The following IFRD2 variants were observed in gnomAD, a reference collection of about 807,000 sequenced individuals.
The protein encoded by IFRD2 is interferon-related developmental regulator 2.
In IFRD2, 35 loss-of-function variants were observed where a neutral mutation model predicts 49.2. That is an observed-to-expected ratio of 0.71 (90% CI 0.54 to 0.94). IFRD2 has a LOEUF of 0.94. Ranked by LOEUF, IFRD2 falls within the 40% of genes least tolerant of loss-of-function variation. IFRD2 has a pLI of 0.00. For missense variants in IFRD2, 561 were observed against 591.6 expected, an observed-to-expected ratio of 0.95 and a Z score of 0.54; for synonymous variants, 275 against 239.7, an observed-to-expected ratio of 1.15 and a Z score of -1.36.
intron 5 of IFRD2, 43 bp from the exon 6 acceptor site, chr3:50,289,805 A>T: frequency 1.3e-6 from 2 of 1,588,498 alleles, no homozygotes; most frequent in Non-Finnish European, 1.7e-6. Context: ...CAGCGGGTGA[A>T]CCTGGGTTCC....
rs782467680 is a variant in IFRD2 at position 50,292,328 on chromosome 3, C to T, written c.-54G>A. On this transcript the variant is annotated 5_prime_UTR_variant, in exon 1 of 12. It introduces an in-frame stop codon into an upstream open reading frame of the 5' UTR. Transcript: ENST00000417626. ...GTCAGGGACCCGGTGGGTGTGGGCTCCAGGCCAACGAGACGCCGGCCGGTG... is the reference window on the plus strand; with the variant it reads ...GTCAGGGACCCGGTGGGTGTGGGCTTCAGGCCAACGAGACGCCGGCCGGTG... 1.3e-6 allele frequency: 2 copies of T among 1,566,496 alleles called. No homozygotes were observed. Among genetic ancestry groups the T allele is most frequent in the Non-Finnish European group, 1.7e-6 (2 of 1,158,744 alleles).
In IFRD2 at chr3:50,290,254, C is replaced by T. The variant is rs200829619; in HGVS notation, c.304G>A (p.Ala102Thr). The T allele has an allele frequency of 5.9e-4, 957 of 1,612,786 alleles. 1 individual carries two copies. Among genetic ancestry groups the T allele is most frequent in the Non-Finnish European group, 7.8e-4 (919 of 1,179,432 alleles). The change falls in exon 4 of 12, where the codon GCC becomes ACC. Residue 102 changes from alanine to threonine, a missense_variant. Transcript: ENST00000417626. ...TCGGGGAGTAGGCGGGACGCTAGGG[C>T]CAGGCGCAGGCTCTCAAGAGCACCC... ...RQGALESLRL[A>T]LASRLLPDFL...
rs1292525305 is a variant in IFRD2 at position 50,290,189 on chromosome 3, C to G, written c.369G>C (p.Leu123=). Residue 123 remains leucine, a synonymous_variant, in exon 4 of 12, where the codon CTG becomes CTC. Coordinates refer to ENST00000417626, the MANE Select transcript of IFRD2 (RefSeq NM_006764.5). ...TCCAACCTTTCTTGAGGCACTTTTC[C>G]AGGGCATCGGCTAGCGTGAGGCGGC... ...LERRLTLADA[L]EKCLKKGKGE... is the part of the protein sequence containing the mutation. The G allele has an allele frequency of 1.2e-6, 2 of 1,613,710 alleles. No homozygotes were observed. Among genetic ancestry groups the G allele is most frequent in the Non-Finnish European group, 1.7e-6 (2 of 1,179,768 alleles).
rs1553709442 is a variant in IFRD2 at position 50,289,742 on chromosome 3, C to T, written c.567G>A (p.Leu189=). 1.2e-6 allele frequency: 2 copies of T among 1,603,504 alleles called. No homozygotes were observed. Among genetic ancestry groups the T allele is most frequent in the Non-Finnish European group, 1.7e-6 (2 of 1,175,360 alleles). ...ARLHCASALG[L]GCYVAAADIQ... is the part of the protein sequence containing the mutation. ...TGTCAGCGGCAGCCACGTAGCAGCCCAGGCCAAGGGCAGAAGCACACTGTT... is the reference window on the plus strand; with the variant it reads ...TGTCAGCGGCAGCCACGTAGCAGCCTAGGCCAAGGGCAGAAGCACACTGTT... The change falls in exon 6 of 12, where the codon CTG becomes CTA. Residue 189 remains leucine (L), a synonymous_variant. Coordinates refer to ENST00000417626, the MANE Select transcript of IFRD2 (RefSeq NM_006764.5).
Position 50,292,290 on chromosome 3 carries a change from C to T in IFRD2, c.-16G>A, listed in dbSNP as rs782352973. ...CGCGAGGCATGCCGGGAACCGGGCG[C>T]GGGGGGCGCGGGGTCAGGGACCCGG... On this transcript the variant is annotated 5_prime_UTR_variant, in exon 1 of 12. Coordinates refer to ENST00000417626, the MANE Select transcript of IFRD2 (RefSeq NM_006764.5). The T allele has an allele frequency of 3.4e-5, 52 of 1,550,360 alleles. No individual in the cohort carries two copies. In the Middle Eastern group the frequency reaches 6.2e-4, roughly 19 times the overall value.
At position 50,289,777 on chromosome 3, in the gene IFRD2, G is replaced by T; in HGVS notation, c.547-15C>A. On this transcript the variant is annotated splice_polypyrimidine_tract_variant and intron_variant, in intron 5 of 11. Transcript: ENST00000417626. ...GCAGAAGCACACTGTTGGGAGAAGG[G>T]CAATGCAATGCCACGGTCAGCGGGT... The T allele has an allele frequency of 6.3e-7, 1 of 1,597,220 alleles. No individual in the cohort carries two copies. The highest frequency in any genetic ancestry group is 8.5e-7 in the Non-Finnish European group (1 of 1,172,236).
rs782579848 is a variant in IFRD2, at chr3:50,290,616, C to T, written c.122G>A (p.Arg41His). Reference sequence around the variant, plus strand: ...GCTGGGGCATTCACTGGCGGTGCTGCGGGCCTCACTGGCTGCCTCATCGTC... The same window carrying T: ...GCTGGGGCATTCACTGGCGGTGCTGTGGGCCTCACTGGCTGCCTCATCGTC... ...SSDDEAASEARSTASECPSLL... is the reference protein window; with the variant it reads ...SSDDEAASEAHSTASECPSLL... Residue 41 changes from arginine to histidine, a missense_variant, in exon 2 of 12, where the codon CGC becomes CAC. Coordinates refer to ENST00000417626, the MANE Select transcript of IFRD2 (RefSeq NM_006764.5). The T allele has an allele frequency of 1.4e-5, 22 of 1,613,830 alleles. No individual in the cohort carries two copies. The highest frequency in any genetic ancestry group is 1.6e-4 in the Middle Eastern group (1 of 6,084).
rs781871272 is a variant in IFRD2, at chr3:50,289,336, G to A, written c.804C>T (p.Leu268=). 2.5e-6 allele frequency: 4 copies of A among 1,601,014 alleles called. No homozygotes were observed. The highest frequency in any genetic ancestry group is 3.4e-6 in the Non-Finnish European group (4 of 1,174,054). ...LDRQLPRLPQ[L]LSSESVNLRI... is the part of the protein sequence containing the mutation. ...GCAGGTTCACACTTTCACTGGACAA[G>A]AGCTGGGGCAGCCGGGGCAGCTGCC... Residue 268 remains leucine (L), a synonymous_variant, in exon 8 of 12, where the codon CTC becomes CTT. Coordinates refer to ENST00000417626, the MANE Select transcript of IFRD2 (RefSeq NM_006764.5).
Position 50,290,100 on chromosome 3 carries a change from T to A in IFRD2, c.389-14A>T. The A allele has an allele frequency of 6.2e-7, 1 of 1,613,292 alleles. No individual in the cohort carries two copies. Among genetic ancestry groups the A allele is most frequent in the Non-Finnish European group, 8.5e-7 (1 of 1,179,426 alleles). On this transcript the variant is annotated splice_polypyrimidine_tract_variant and intron_variant, in intron 4 of 11. Transcript: ENST00000417626. ...CCTCGCCCTTCCCTGTGGGATGCTT[T>A]CCAGTCAGCCCATGCAGCAAGGGCC...
Position 50,290,467 on chromosome 3 carries a change from C to A in IFRD2, c.184G>T (p.Asp62Tyr), listed in dbSNP as rs1162587255. 1.9e-6 allele frequency: 3 copies of A among 1,577,542 alleles called. No individual in the cohort carries two copies. Among genetic ancestry groups the A allele is most frequent in the South Asian group, 1.2e-5 (1 of 86,668 alleles). Residue 62 changes from aspartate (D) to tyrosine (Y), a missense_variant, in exon 3 of 12, where the codon GAT becomes TAT. Physicochemically the swap from Asp to Tyr is radical, Grantham distance 160 (BLOSUM62 -3). Coordinates refer to ENST00000417626, the MANE Select transcript of IFRD2 (RefSeq NM_006764.5). The part of the protein sequence containing the change: ...STTAEDSLGG[D>Y]VVDEQGQQED... Reference sequence around the variant, plus strand: ...TGCTGGCCCTGCTCATCCACGACATCCCCCCCTGCAAGGCCACCTGGTCAG... The same window carrying A: ...TGCTGGCCCTGCTCATCCACGACATACCCCCCTGCAAGGCCACCTGGTCAG...
rs11714141 is a variant in IFRD2 at position 50,288,572 on chromosome 3, C to T, written c.1152+11G>A. ...CCACACCAGATGTCCCCTCCCTGTC[C>T]GTCCCCGCACCTGGAGGTGGTGGTG... On this transcript the variant is annotated intron_variant, in intron 10 of 11. Coordinates refer to ENST00000417626, the MANE Select transcript of IFRD2 (RefSeq NM_006764.5). 7.0e-3 allele frequency: 11,337 copies of T among 1,613,944 alleles called. 63 individuals carry two copies. The highest frequency in any genetic ancestry group is 8.8e-3 in the Non-Finnish European group (10,364 of 1,179,880).
chr3:50,290,764 A>T lies in IFRD2; in HGVS notation c.59-85T>A, dbSNP rs1182998563. On this transcript the variant is annotated intron_variant, in intron 1 of 11. Coordinates refer to ENST00000417626, the MANE Select transcript of IFRD2 (RefSeq NM_006764.5). The stretch of plus-strand genomic sequence containing the variant: ...ACCTCACTCGACCTCATAATCCCAA[A>T]AGATAGAATGGTGTCCCTCTCAGAG... 3 of 1,519,506 alleles carry T rather than the reference A, an allele frequency of 2.0e-6. No homozygotes were observed. The African/African-American group carries it at 4.1e-5, about 21-fold the overall frequency. 94.1% of individuals were successfully genotyped at this position (1,519,506 alleles called of 1,614,324 possible). A position where few individuals can be genotyped will look rare whatever the true frequency, so the allele number is the denominator to read the frequency against.
Position 50,292,314 on chromosome 3 carries a change from G to C in IFRD2, c.-40C>G. The C allele has an allele frequency of 6.4e-7, 1 of 1,565,038 alleles. No homozygotes were observed. Among genetic ancestry groups the C allele is most frequent in the Non-Finnish European group, 8.6e-7 (1 of 1,157,286 alleles). On this transcript the variant is annotated 5_prime_UTR_variant, in exon 1 of 12. Transcript: ENST00000417626. ...GCGGGGGGCGCGGGGTCAGGGACCCGGTGGGTGTGGGCTCCAGGCCAACGA... is the reference window on the plus strand; with the variant it reads ...GCGGGGGGCGCGGGGTCAGGGACCCCGTGGGTGTGGGCTCCAGGCCAACGA...
rs1701614727 is a variant in IFRD2, at chr3:50,288,902, G to A, written c.921C>T (p.Cys307=). The part of the protein sequence containing the change: ...EFVYEDMEAL[C]SVLRTLATDS... Reference sequence around the variant, plus strand: ...CAGTGGCCAGAGTGCGCAGGACACTGCAGAGGGCCTCCATGTCCTCGTAAA... The same window carrying A: ...CAGTGGCCAGAGTGCGCAGGACACTACAGAGGGCCTCCATGTCCTCGTAAA... The change falls in exon 9 of 12, where the codon TGC becomes TGT. Residue 307 remains cysteine, a synonymous_variant. Transcript: ENST00000417626. The A allele has an allele frequency of 6.2e-7, 1 of 1,613,270 alleles. No individual in the cohort carries two copies. Among genetic ancestry groups the A allele is most frequent in the Non-Finnish European group, 8.5e-7 (1 of 1,179,556 alleles).
intron 8 of IFRD2, 44 bp from the exon 9 acceptor site, chr3:50,288,981 C>T (rs1575490078): frequency 6.3e-7 from 1 of 1,598,818 alleles, no homozygotes; most frequent in East Asian, 2.3e-5. Context: ...TGCTTGAGCT[C>T]TGCTGGCTCT....
Position 50,289,267 on chromosome 3 carries a change from G to A in IFRD2, c.873C>T (p.Ala291=), listed in dbSNP as rs1553709185. ...GETIALLFEL[A]RDLEEEFVYE... ...TTGTCCCTCGCACCTCAAGGTCCCG[G>A]GCAAGCTCAAAGAGCAGTGCAATGG... The change falls in exon 8 of 12, where the codon GCC becomes GCT. Residue 291 remains alanine, a synonymous_variant. Coordinates refer to ENST00000417626, the MANE Select transcript of IFRD2 (RefSeq NM_006764.5). 2 of 1,577,694 alleles carry A rather than the reference G, an allele frequency of 1.3e-6. No individual in the cohort carries two copies. Among genetic ancestry groups the A allele is most frequent in the Non-Finnish European group, 1.7e-6 (2 of 1,162,010 alleles).
At position 50,290,265 on chromosome 3, in the gene IFRD2, C is replaced by T; in HGVS notation, c.293G>A (p.Ser98Asn). 6.2e-7 allele frequency: 1 copy of T among 1,612,316 alleles called. No individual in the cohort carries two copies. The highest frequency in any genetic ancestry group is 8.5e-7 in the Non-Finnish European group (1 of 1,179,212). ...GCGGGACGCTAGGGCCAGGCGCAGG[C>T]TCTCAAGAGCACCCTGCCGGGTCTT... ...SAKTRQGALE[S>N]LRLALASRLL... The change falls in exon 4 of 12, where the codon AGC becomes AAC. Residue 98 changes from serine (S) to asparagine (N), a missense_variant. By Grantham distance (46) the Ser-to-Asn change is conservative. Transcript: ENST00000417626.
intron 8 of IFRD2, 127 bp from the exon 9 acceptor site, chr3:50,289,064 C>A: frequency 7.3e-7 from 1 of 1,369,246 alleles, no homozygotes; most frequent in South Asian, 1.4e-5. Context: ...TTTGACCCCT[C>A]CTTGGCCTCT....
Position 50,290,549 on chromosome 3 carries a change from C to A in IFRD2, c.178+11G>T. 2 of 1,613,464 alleles carry A rather than the reference C, an allele frequency of 1.2e-6. No individual in the cohort carries two copies. The highest frequency in any genetic ancestry group is 1.7e-6 in the Non-Finnish European group (2 of 1,179,694). On this transcript the variant is annotated intron_variant, in intron 2 of 11. Coordinates refer to ENST00000417626, the MANE Select transcript of IFRD2 (RefSeq NM_006764.5). ...TCACCAAGCCCCTGTCAAACTTCCA[C>A]CCGCTCTCACCAAGGCTGTCCTCTG...
Sources: allele counts gnomAD v4.1 joint callset, GRCh38; gene constraint gnomAD v4.1.1; transcripts MANE v1.5; gene names NCBI Gene and HGNC (gene_info 2026-07-23, HGNC 2026-07-21).